DDX23: variants seen among roughly 807,000 people sequenced by gnomAD.
The protein encoded by DDX23 is probable ATP-dependent RNA helicase DDX23.
Under a neutral mutation model 102.7 loss-of-function variants are expected in DDX23, and 33 were observed. That is an observed-to-expected ratio of 0.32 (90% CI 0.24 to 0.43). The LOEUF (loss-of-function observed/expected upper bound fraction) is 0.43. DDX23 is among the 20% of genes least tolerant of loss of function. The pLI, the probability that DDX23 is intolerant of heterozygous loss-of-function variation, is 1.00. For missense variants in DDX23, 549 were observed against 1,086.6 expected (o/e 0.51, Z 6.96); for synonymous variants, 352 against 376.0 (o/e 0.94, Z 0.74).
rs1422616684 is a variant in DDX23 at position 48,829,861 on chromosome 12, T to C, written c.*608A>G. On this transcript the variant is annotated 3_prime_UTR_variant, in exon 17 of 17. Transcript: ENST00000308025. ...CAGTGACAAAGATGGACACAGCCAG[T>C]TCACCGTGTCCCCCCATCTACTTAG... 12 of 239,220 alleles carry C rather than the reference T, an allele frequency of 5.0e-5. No individual in the cohort carries two copies. In the Admixed American group the frequency reaches 6.2e-4, roughly 12 times the overall value. 14.8% of individuals were successfully genotyped at this position (239,220 alleles called of 1,614,324 possible).
At chr12:48,848,716 C>G (rs1938709765) in intron 1 of DDX23, among the ~76,000 whole-genome samples, 1 of 151,530 alleles carries the variant, frequency 6.6e-6, no homozygotes, top group African/African-American at 2.4e-5. Flanking sequence ...TCCCAAGTAG[C>G]TGGGACTATA....
Position 48,833,556 on chromosome 12 carries a change from G to A in DDX23, c.1561-37C>T, listed in dbSNP as rs371097243. 17 of 1,599,810 alleles carry A rather than the reference G, an allele frequency of 1.1e-5. No homozygotes were observed. The African/African-American group carries it at 2.1e-4, about 20-fold the overall frequency. ...AGTATAATCATTTATAGCCCAGCAG[G>A]TGCCCCTTCTTTTCTTTCCTGTGAA... On this transcript the variant is annotated intron_variant, in intron 12 of 16. Coordinates refer to ENST00000308025, the MANE Select transcript of DDX23 (RefSeq NM_004818.3).
At position 48,836,454 on chromosome 12, in the gene DDX23, T is replaced by A; in HGVS notation, c.1236+115A>T. The A allele has an allele frequency of 7.9e-7, 1 of 1,266,224 alleles. No homozygotes were observed. Among genetic ancestry groups the A allele is most frequent in the Non-Finnish European group, 1.1e-6 (1 of 897,926 alleles). 78.4% of individuals were successfully genotyped at this position (1,266,224 alleles called of 1,614,324 possible). A position where few individuals can be genotyped will look rare whatever the true frequency, so the allele number is the denominator to read the frequency against. On this transcript the variant is annotated intron_variant, in intron 10 of 16. Coordinates refer to ENST00000308025, the MANE Select transcript of DDX23 (RefSeq NM_004818.3). This position sits in a 1 kb window ranked among gnomAD's most constrained non-coding sequence, Gnocchi z 6.1. ...TTCTACCAGAAAGTGACAGAAAAGG[T>A]CACATTGGTGCCCACTAGCAGCGAT...
chr12:48,835,213 G>C (rs1356088951), intron 11 of DDX23: 1 of 218,084 alleles, frequency 4.6e-6, no homozygotes, highest in Non-Finnish European at 9.8e-6. Context: ...CTGCACTCCA[G>C]CCTAGACAAT....
chr12:48,830,628 G>A lies in DDX23; in HGVS notation c.2304C>T (p.Leu768=), dbSNP rs758025046. The A allele has an allele frequency of 6.2e-7, 1 of 1,614,164 alleles. No individual in the cohort carries two copies. ...AGAACACAGCAGAGTCCTCTTTTGT[G>A]AGGAAGGTGATGGCCACCCCACTCT... ...AGKSGVAITF[L]TKEDSAVFYE... The change falls in exon 17 of 17, where the codon CTC becomes CTT. Residue 768 remains leucine (L), a synonymous_variant. Coordinates refer to ENST00000308025, the MANE Select transcript of DDX23 (RefSeq NM_004818.3). The surrounding 1 kb of genome is among the most constrained non-coding windows in gnomAD (Gnocchi z 4.9).
At position 48,830,241 on chromosome 12, in the gene DDX23, C is replaced by T; in HGVS notation, c.*228G>A. The T allele has an allele frequency of 1.5e-6, 1 of 663,250 alleles. No individual in the cohort carries two copies. The highest frequency in any genetic ancestry group is 2.8e-6 in the Non-Finnish European group (1 of 361,988). The allele number at this position is 663,250 out of a possible 1,614,324, so 41.1% of individuals were successfully genotyped here. ...AAAGCAAAGAAGGGCAGAACTGGGC[C>T]AAGAAGCTGTGGTAATTTGCTCTCC... On this transcript the variant is annotated 3_prime_UTR_variant, in exon 17 of 17. Transcript: ENST00000308025. The surrounding 1 kb of genome is among the most constrained non-coding windows in gnomAD (Gnocchi z 4.9).
chr12:48,848,059 G>A (rs1284445928), intron 1 of DDX23, among the ~76,000 whole-genome samples: 1 of 152,220 alleles, frequency 6.6e-6, no homozygotes, highest in Non-Finnish European at 1.5e-5. Context: ...GCTGAGGCGG[G>A]CAGATCAAGA....
At chr12:48,844,258 G>C (rs1414206371) in intron 2 of DDX23, among the ~76,000 whole-genome samples, 1 of 152,142 alleles carries the variant, frequency 6.6e-6, no homozygotes, top group Admixed American at 6.6e-5. Context: ...ACAGGTCACG[G>C]ACTATGTGAA....
At position 48,830,720 on chromosome 12, in the gene DDX23, C is replaced by T; in HGVS notation, c.2240-28G>A. The T allele has an allele frequency of 6.4e-7, 1 of 1,573,800 alleles. No individual in the cohort carries two copies. On this transcript the variant is annotated intron_variant, in intron 16 of 16. Transcript: ENST00000308025. This position sits in a 1 kb window ranked among gnomAD's most constrained non-coding sequence, Gnocchi z 4.9. The stretch of plus-strand genomic sequence containing the variant: ...GGGGAATGGGAAGAACGTCACTCAG[C>T]ATAGCCCAGATGCCCTGGGGAGCCG...
chr12:48,847,082 TAAGA>T (rs2137496614), intron 1 of DDX23, among the ~76,000 whole-genome samples: 1 of 152,262 alleles, frequency 6.6e-6, no homozygotes, highest in East Asian at 1.9e-4. Flanking sequence ...CATATATCCT[TAAGA>T]AAGATTGTAT....
rs1938490876 is a variant in DDX23 at position 48,838,037 on chromosome 12, T to C, written c.524A>G (p.Lys175Arg). ...CTCTTCCACCTCCTGCTGCCGTCGCTTTAGAGCTTCAGCCTCTCGTTCTGC... is the reference window on the plus strand; with the variant it reads ...CTCTTCCACCTCCTGCTGCCGTCGCCTTAGAGCTTCAGCCTCTCGTTCTGC... ...SKAEREAEAL[K>R]RRQQEVEERQ... The change falls in exon 6 of 17, where the codon AAG becomes AGG. Residue 175 changes from lysine (K) to arginine (R), a missense_variant. Physicochemically the swap from Lys to Arg is conservative, Grantham distance 26 (BLOSUM62 2). This residue lies in a region of DDX23 where 241 missense variants were observed against 267.0 expected (regional missense o/e 0.90). Transcript: ENST00000308025. 3.1e-6 allele frequency: 5 copies of C among 1,614,098 alleles called. No homozygotes were observed. Among genetic ancestry groups the C allele is most frequent in the Non-Finnish European group, 4.2e-6 (5 of 1,180,058 alleles).
chr12:48,851,444 G>A (rs1938756457), intron 1 of DDX23, among the ~76,000 whole-genome samples: 1 of 151,596 alleles, frequency 6.6e-6, no homozygotes, highest in African/African-American at 2.4e-5. Context: ...TTGCACTCCA[G>A]CCTAGGCGAC....
rs766625278 is a variant in DDX23, at chr12:48,832,621, A to G, written c.1804-48T>C. The G allele has an allele frequency of 6.2e-7, 1 of 1,600,736 alleles. No homozygotes were observed. The highest frequency in any genetic ancestry group is 1.1e-5 in the South Asian group (1 of 90,288). Reference sequence around the variant, plus strand: ...CCTGCACCCAGGCAGGAATAATCATATATCCCACTGTCACCGAAGGCAGGT... The same window carrying G: ...CCTGCACCCAGGCAGGAATAATCATGTATCCCACTGTCACCGAAGGCAGGT... On this transcript the variant is annotated intron_variant, in intron 13 of 16. Transcript: ENST00000308025. This position sits in a 1 kb window ranked among gnomAD's most constrained non-coding sequence, Gnocchi z 4.4.
chr12:48,846,955 T>C (rs555340427), intron 1 of DDX23, among the ~76,000 whole-genome samples: 10 of 152,302 alleles, frequency 6.6e-5, no homozygotes, highest in African/African-American at 2.4e-4. Context: ...AACCACCTCA[T>C]CATCATCCCA....
At chr12:48,837,201 C>T in intron 8 of DDX23, 80 bp downstream of exon 8, 1 of 1,557,334 alleles carries the variant, frequency 6.4e-7, no homozygotes, top group Non-Finnish European at 8.8e-7. Flanking sequence ...GCTTATCTTA[C>T]TTCCTCCACC....
intron 5 of DDX23, 77 bp downstream of exon 5, chr12:48,839,767 T>C (rs1938520029): frequency 6.9e-7 from 1 of 1,451,620 alleles, no homozygotes; most frequent in Non-Finnish European, 9.5e-7. Flanking sequence ...AATTAACTTC[T>C]GTCGTTGAAG....
At chr12:48,838,924 G>A (rs757683697) in intron 5 of DDX23, among the ~76,000 whole-genome samples, 2 of 152,130 alleles carry the variant, frequency 1.3e-5, no homozygotes, top group Non-Finnish European at 2.9e-5. Flanking sequence ...TGCCCAAGCT[G>A]CAGTACAGTG....
At position 48,836,901 on chromosome 12, in the gene DDX23, G is replaced by A; in HGVS notation, c.1003C>T (p.Gln335Ter). 6.2e-7 allele frequency: 1 copy of A among 1,613,690 alleles called. No individual in the cohort carries two copies. Among genetic ancestry groups the A allele is most frequent in the Non-Finnish European group, 8.5e-7 (1 of 1,180,038 alleles). The change falls in exon 9 of 17, where the codon CAG (glutamine) becomes TAG (stop). Residue 335 changes from glutamine to a stop codon, truncating the protein, a stop_gained. Coordinates refer to ENST00000308025, the MANE Select transcript of DDX23 (RefSeq NM_004818.3). LOFTEE classifies it high-confidence loss of function. The surrounding 1 kb of genome is among the most constrained non-coding windows in gnomAD (Gnocchi z 6.1). Reference protein sequence around the residue: ...EKRRTLEEKEQEEARLRKLRK... With the variant: ...EKRRTLEEKE ...CTAGCCTTGATCACTCACTCCTCCT[G>A]CTCCTTTTCTTCCAGGGTTCGCCTC...
chr12:48,834,210 T>C, intron 12 of DDX23, 110 bp downstream of exon 12: 1 of 1,045,682 alleles, frequency 9.6e-7, no homozygotes, highest in Non-Finnish European at 1.4e-6. Flanking sequence ...CACATATATA[T>C]AAACCAGCTC....
Sources: allele counts gnomAD v4.1 joint callset (sites outside exome capture counted in the v4.1 genomes callset), GRCh38; gene constraint gnomAD v4.1.1; regional missense constraint gnomAD v4.1.1; non-coding constraint Gnocchi (gnomAD v3.1); transcripts MANE v1.5; gene names NCBI Gene and HGNC (gene_info 2026-07-23, HGNC 2026-07-21).